Variants in GSE1 observed in about 807,000 individuals in gnomAD.
The protein encoded by GSE1 is genetic suppressor element 1.
Under a neutral mutation model 112.6 loss-of-function variants are expected in GSE1, and 32 were observed. That is an observed-to-expected ratio of 0.28 (90% CI 0.21 to 0.38). The LOEUF (loss-of-function observed/expected upper bound fraction) is 0.38, where lower values mean the gene tolerates loss of function less well. GSE1 is among the 10% of genes least tolerant of loss of function. The pLI is 1.00. For missense variants in GSE1, 2,348 were observed against 1,699.2 expected (o/e 1.38, Z -6.71); for synonymous variants, 1,115 against 735.6 (o/e 1.52, Z -8.35).
chr16:85,176,111 T>G, intron 1 of GSE1, among the ~76,000 whole-genome samples: 1 of 152,158 alleles, frequency 6.6e-6, no homozygotes, highest in Non-Finnish European at 1.5e-5. Context: ...ACCCCAGTCT[T>G]CTGAGTAGCT....
chr16:85,179,571 C>T (rs560501318), intron 1 of GSE1, among the ~76,000 whole-genome samples: 2 of 152,228 alleles, frequency 1.3e-5, no homozygotes, highest in East Asian at 1.9e-4. Flanking sequence ...GGACTGTTTT[C>T]CCGTTGGGGG....
chr16:85,478,227 G>A (rs972541171), intron 2 of GSE1, among the ~76,000 whole-genome samples: 28 of 152,156 alleles, frequency 1.8e-4, no homozygotes, highest in African/African-American at 6.3e-4. Context: ...TATGGCTGAG[G>A]AATATTCCAT....
intron 1 of GSE1, among the ~76,000 whole-genome samples, chr16:85,349,418 A>C (rs1367160475): frequency 6.6e-6 from 1 of 152,166 alleles, no homozygotes; most frequent in African/African-American, 2.4e-5. Flanking sequence ...GCGGGGCCAC[A>C]GCGGGTCAGG....
At chr16:85,634,994 A>G (rs1396599089) in intron 2 of GSE1, among the ~76,000 whole-genome samples, 4 of 151,978 alleles carry the variant, frequency 2.6e-5, no homozygotes, top group Non-Finnish European at 5.9e-5. Flanking sequence ...CATCCGCTTC[A>G]TTCACCTCCA....
chr16:85,188,782 T>TA (rs1321956436), intron 1 of GSE1, among the ~76,000 whole-genome samples: 1 of 151,016 alleles, frequency 6.6e-6, no homozygotes, highest in Non-Finnish European at 1.5e-5. Context: ...GCCTGGGTGT[T>TA]AGAGTGGGAC....
intron 1 of GSE1, among the ~76,000 whole-genome samples, chr16:85,180,236 G>A (rs1204726842): frequency 6.6e-5 from 10 of 152,376 alleles, no homozygotes; most frequent in Middle Eastern, 3.4e-3. Context: ...CACAAAGGCC[G>A]GGGTTGGTAT....
At chr16:85,318,943 G>T (rs1211496872) in intron 1 of GSE1, among the ~76,000 whole-genome samples, 1 of 152,216 alleles carries the variant, frequency 6.6e-6, no homozygotes, top group Non-Finnish European at 1.5e-5. Context: ...GTTTAAGGCG[G>T]AGTCCTGAAG....
intron 1 of GSE1, among the ~76,000 whole-genome samples, chr16:85,201,665 A>G (rs1472794364): frequency 1.3e-5 from 2 of 151,908 alleles, no homozygotes; most frequent in Non-Finnish European, 2.9e-5. Context: ...AAAAAAAACA[A>G]CAACAAAAAA....
At chr16:85,329,017 T>C (rs1370998673) in intron 1 of GSE1, among the ~76,000 whole-genome samples, 1 of 152,086 alleles carries the variant, frequency 6.6e-6, no homozygotes, top group African/African-American at 2.4e-5. Flanking sequence ...GGTGGGGGAT[T>C]GAGGGGTGAG....
At chr16:85,205,644 C>A (rs866085137) in intron 1 of GSE1, among the ~76,000 whole-genome samples, 1 of 152,132 alleles carries the variant, frequency 6.6e-6, no homozygotes, top group Admixed American at 6.5e-5. Flanking sequence ...GGGTAAGAGG[C>A]AGCTGTGGAG....
intron 2 of GSE1, among the ~76,000 whole-genome samples, chr16:85,407,773 GC>G (rs1303176609): frequency 1.1e-4 from 1 of 8,742 alleles, no homozygotes; most frequent in Non-Finnish European, 3.4e-4. Flanking sequence ...GGGCCCCCCT[GC>G]ATAATCCTCA....
intron 2 of GSE1, among the ~76,000 whole-genome samples, chr16:85,547,623 G>A (rs1374151722): frequency 1.3e-5 from 2 of 152,206 alleles, no homozygotes; most frequent in Non-Finnish European, 2.9e-5. Context: ...GCTCATGCCT[G>A]TAATCCCAGC....
At chr16:85,242,986 A>G (rs1795931960) in intron 1 of GSE1, among the ~76,000 whole-genome samples, 3 of 151,876 alleles carry the variant, frequency 2.0e-5, no homozygotes, top group Admixed American at 2.0e-4. Context: ...TAATTTTTAA[A>G]AATTTTTACA....
chr16:85,379,706 C>T (rs2047503263), intron 2 of GSE1, among the ~76,000 whole-genome samples: 1 of 152,216 alleles, frequency 6.6e-6, no homozygotes, highest in South Asian at 2.1e-4. Context: ...GAAGGGGCGC[C>T]AGGAGTCCCG....
chr16:85,459,267 TG>T (rs1313934869), intron 2 of GSE1, among the ~76,000 whole-genome samples: 1 of 152,204 alleles, frequency 6.6e-6, no homozygotes, highest in African/African-American at 2.4e-5. Context: ...GCAGGAGTTG[TG>T]GGTGCCCCTC....
chr16:85,206,725 A>G (rs2075123621), intron 1 of GSE1, among the ~76,000 whole-genome samples: 2 of 150,860 alleles, frequency 1.3e-5, no homozygotes, highest in East Asian at 2.0e-4. Context: ...TTCATTCACA[A>G]TCTCCCAGCG....
chr16:85,392,432 G>C (rs1328807199), intron 2 of GSE1, among the ~76,000 whole-genome samples: 4 of 152,210 alleles, frequency 2.6e-5, no homozygotes, highest in African/African-American at 9.7e-5. Context: ...GGGATGGAGA[G>C]TGATTGCTAA....
intron 1 of GSE1, among the ~76,000 whole-genome samples, chr16:85,620,594 C>T (rs1378040283): frequency 6.6e-6 from 1 of 152,238 alleles, no homozygotes; most frequent in Non-Finnish European, 1.5e-5. Context: ...CTCTGCCGCC[C>T]GTCGGGAGGG....
chr16:85,327,227 C>T lies in GSE1; in HGVS notation c.2284-30236C>T, dbSNP rs537217908. ...CTGGCCTCCAAAGCCACAAGGCACCCGCCACTTCTACCACGTGCTATTAGC... is the reference window on the plus strand; with the variant it reads ...CTGGCCTCCAAAGCCACAAGGCACCTGCCACTTCTACCACGTGCTATTAGC... On this transcript the variant is annotated intron_variant, in intron 1 of 2. Coordinates refer to the GSE1 transcript ENST00000637419. 6.6e-5 allele frequency among the ~76,000 whole-genome samples: 10 copies of T among 152,328 alleles called. No individual in the cohort carries two copies. The South Asian group carries it at 1.5e-3, about 22-fold the overall frequency.
Sources: allele counts gnomAD v4.1 joint callset (sites outside exome capture counted in the v4.1 genomes callset), GRCh38; gene constraint gnomAD v4.1.1; transcripts MANE v1.5; gene names NCBI Gene and HGNC (gene_info 2026-07-23, HGNC 2026-07-21).